The following RALGPS1 variants were observed in gnomAD, a reference collection of about 807,000 sequenced individuals.
RALGPS1 encodes the protein Ral GEF with PH domain and SH3 binding motif 1, also known as ras-specific guanine nucleotide-releasing factor RalGPS1.
A neutral mutation model predicts 78.8 loss-of-function variants in RALGPS1; 19 were observed. The ratio of observed to expected loss-of-function variants is 0.24; its 90% CI spans 0.17 to 0.35. The LOEUF is 0.35. Among genes scored for constraint, RALGPS1 ranks in the 10% least tolerant of loss-of-function variants. The pLI is 1.00. For synonymous variants in RALGPS1, 228 were observed against 256.3 expected, an observed-to-expected ratio of 0.89 and a Z score of 1.06; for missense variants, 454 against 688.3, an observed-to-expected ratio of 0.66 and a Z score of 3.81.
At chr9:126,998,047 G>A (rs1242949593) in intron 4 of RALGPS1, among the ~76,000 whole-genome samples, 3 of 152,130 alleles carry the variant, frequency 2.0e-5, no homozygotes, top group Non-Finnish European at 2.9e-5. Flanking sequence ...TTAAATGTTA[G>A]ACCTAAAACC....
chr9:127,175,355 C>A (rs534260368), intron 11 of RALGPS1, among the ~76,000 whole-genome samples: 1 of 152,328 alleles, frequency 6.6e-6, no homozygotes, highest in East Asian at 1.9e-4. Context: ...GATAATATGA[C>A]GACTTACCTT....
intron 4 of RALGPS1, among the ~76,000 whole-genome samples, chr9:127,031,626 TGA>T (rs2046438812): frequency 6.6e-6 from 1 of 152,244 alleles, no homozygotes; most frequent in African/African-American, 2.4e-5. Context: ...GAACTGATGC[TGA>T]GAGAGGTGAT....
chr9:126,962,306 G>T lies in RALGPS1; in HGVS notation c.17G>T (p.Gly6Val). Residue 6 changes from glycine (G) to valine (V), a missense_variant, in exon 2 of 19, where the codon GGT becomes GTT. Gly to Val is a moderately radical substitution (Grantham distance 109, BLOSUM62 -3). Coordinates refer to ENST00000259351, the MANE Select transcript of RALGPS1 (RefSeq NM_014636.3). ...CTGGAGACTATGTACAAGAGGAATG[G>T]TCTGATGGCTAGCGTGTTGGTCACC... MYKRNGLMASVLVTSA... is the reference protein window; with the variant it reads MYKRNVLMASVLVTSA... 6.2e-7 allele frequency: 1 copy of T among 1,614,174 alleles called. No individual in the cohort carries two copies. Among genetic ancestry groups the T allele is most frequent in the South Asian group, 1.1e-5 (1 of 91,080 alleles).
At chr9:126,996,262 TC>T (rs1464260851) in intron 4 of RALGPS1, among the ~76,000 whole-genome samples, 3 of 151,764 alleles carry the variant, frequency 2.0e-5, no homozygotes, top group African/African-American at 7.3e-5. Flanking sequence ...TTTGAAAAGA[TC>T]AACAAAATTG....
intron 8 of RALGPS1, among the ~76,000 whole-genome samples, chr9:127,150,176 G>T (rs1564669632): frequency 6.6e-6 from 1 of 152,184 alleles, no homozygotes; most frequent in African/African-American, 2.4e-5. Flanking sequence ...CAGAGCTTGT[G>T]ACCACGGTCA....
At chr9:127,126,314 T>A (rs913444830) in intron 8 of RALGPS1, among the ~76,000 whole-genome samples, 7 of 152,256 alleles carry the variant, frequency 4.6e-5, no homozygotes, top group African/African-American at 1.7e-4. Flanking sequence ...TCTTTATCTT[T>A]GATTTTTTAG....
chr9:127,107,948 TGA>T, intron 8 of RALGPS1: 1 of 1,544,514 alleles, frequency 6.5e-7, no homozygotes, highest in Non-Finnish European at 8.8e-7. Flanking sequence ...GGGAGGCTGG[TGA>T]GAGTGGGCAT....
At chr9:127,058,013 G>A (rs2048887890) in intron 7 of RALGPS1, among the ~76,000 whole-genome samples, 1 of 152,182 alleles carries the variant, frequency 6.6e-6, no homozygotes, top group African/African-American at 2.4e-5. Flanking sequence ...TAAAGTACAG[G>A]CCTAACGTAG....
At position 127,183,749 on chromosome 9, in the gene RALGPS1, T is replaced by G. The variant is rs917524556; in HGVS notation, c.910+8967T>G. On this transcript the variant is annotated intron_variant, in intron 11 of 18. Transcript: ENST00000259351. This position sits in a 1 kb window ranked among gnomAD's most constrained non-coding sequence, Gnocchi z 4.0. ...CTCCTCTCTCTGGAAACATACTCTC[T>G]CTGCCCGTTTATATTTTCGGAATGG... 9.8e-5 allele frequency: 83 copies of G among 848,300 alleles called. 1 individual carries two copies. The South Asian group carries it at 1.2e-3, about 13-fold the overall frequency. 52.5% of individuals were successfully genotyped at this position (848,300 alleles called of 1,614,324 possible).
intron 8 of RALGPS1, among the ~76,000 whole-genome samples, chr9:127,149,834 A>G (rs1349353104): frequency 6.6e-6 from 1 of 152,192 alleles, no homozygotes; most frequent in Non-Finnish European, 1.5e-5. Context: ...TGGTTTCCCC[A>G]CCTGGATGAA....
intron 4 of RALGPS1, among the ~76,000 whole-genome samples, chr9:127,018,659 A>AATC (rs1392741714): frequency 1.3e-5 from 2 of 150,244 alleles, no homozygotes; most frequent in Non-Finnish European, 3.0e-5. Flanking sequence ...TAATAATAAT[A>AATC]ATAATAATAA....
At chr9:126,977,974 G>C (rs2040843133) in intron 4 of RALGPS1, 1 of 405,050 alleles carries the variant, frequency 2.5e-6, no homozygotes. Context: ...GGGAGCAGTT[G>C]GTACCCACAG....
chr9:126,993,226 A>G (rs1384827408), intron 4 of RALGPS1, among the ~76,000 whole-genome samples: 1 of 152,142 alleles, frequency 6.6e-6, no homozygotes, highest in Non-Finnish European at 1.5e-5. Flanking sequence ...GGTAAACCCC[A>G]CTTAGTTATG....
intron 5 of RALGPS1, among the ~76,000 whole-genome samples, chr9:127,045,665 C>G (rs2047683266): frequency 6.6e-6 from 1 of 150,400 alleles, no homozygotes; most frequent in African/African-American, 2.4e-5. Context: ...TCATGTTTAG[C>G]TTAATACAGA....
intron 8 of RALGPS1, chr9:127,108,147 C>A (rs759968104): frequency 3.1e-6 from 5 of 1,614,132 alleles, no homozygotes; most frequent in Non-Finnish European, 3.4e-6. Context: ...GCGCGATGAT[C>A]TCTGATTGGT....
At chr9:126,928,956 C>T (rs1429737167) in intron 1 of RALGPS1, among the ~76,000 whole-genome samples, 4 of 152,040 alleles carry the variant, frequency 2.6e-5, no homozygotes, top group Non-Finnish European at 5.9e-5. Context: ...CCTCTTTGGG[C>T]CTCAGTTTTC....
chr9:126,962,088 C>T (rs1436084155), intron 1 of RALGPS1, 137 bp from the exon 2 acceptor site: 4 of 575,602 alleles, frequency 6.9e-6, no homozygotes. Context: ...CATAGTTAGC[C>T]TGAAAGCCAC....
intron 7 of RALGPS1, among the ~76,000 whole-genome samples, chr9:127,056,600 G>A (rs2048764581): frequency 6.6e-6 from 1 of 152,124 alleles, no homozygotes; most frequent in South Asian, 2.1e-4. Flanking sequence ...ATCACCCCCA[G>A]CCCCAGTGGA....
At chr9:127,033,238 C>T (rs2046574534) in intron 4 of RALGPS1, among the ~76,000 whole-genome samples, 1 of 152,182 alleles carries the variant, frequency 6.6e-6, no homozygotes, top group Non-Finnish European at 1.5e-5. Flanking sequence ...TGGCTGGTTC[C>T]TCTGTGTTCC....
Sources: gnomAD v4.1 joint callset for allele counts (sites outside exome capture counted in the v4.1 genomes callset) on GRCh38, gnomAD v4.1.1 for gene constraint, Gnocchi (gnomAD v3.1) non-coding constraint, MANE v1.5 for transcripts, NCBI Gene and HGNC (gene_info 2026-07-23, HGNC 2026-07-21) for gene names.